Variants in ZNF148 observed in about 807,000 individuals in gnomAD.
ZNF148 encodes Beta-Enolase Repressor Factor-1.
A neutral mutation model predicts 67.7 loss-of-function variants in ZNF148; 7 were observed. That is an observed-to-expected ratio of 0.10 (90% CI 0.06 to 0.19). The LOEUF is 0.19. ZNF148 is among the 10% of genes least tolerant of loss of function. ZNF148 has a pLI of 1.00. For synonymous variants in ZNF148, 333 were observed against 330.7 expected, an observed-to-expected ratio of 1.01 and a Z score of -0.08; for missense variants, 583 against 947.1, an observed-to-expected ratio of 0.62 and a Z score of 5.05.
At chr3:125,365,041 G>A (rs912067698) in intron 1 of ZNF148, among the ~76,000 whole-genome samples, 4 of 151,960 alleles carry the variant, frequency 2.6e-5, no homozygotes, top group Non-Finnish European at 5.9e-5. Flanking sequence ...TCTAAGCTTC[G>A]CACCAATTTC....
At chr3:125,296,790 C>A (rs1939305920) in intron 4 of ZNF148, among the ~76,000 whole-genome samples, 2 of 151,988 alleles carry the variant, frequency 1.3e-5, no homozygotes, top group South Asian at 4.2e-4. Context: ...TGGCATTATA[C>A]AAATATTAGA....
At chr3:125,343,455 GCACCAA>G (rs1435594233) in intron 1 of ZNF148, among the ~76,000 whole-genome samples, 44 of 20,840 alleles carry the variant, frequency 2.1e-3, no homozygotes, top group Non-Finnish European at 4.3e-3. Flanking sequence ...ATTGTAAAAT[GCACCAA>G]TCAGCGCTCT....
At chr3:125,295,775 G>C (rs999771330) in intron 4 of ZNF148, among the ~76,000 whole-genome samples, 1 of 152,148 alleles carries the variant, frequency 6.6e-6, no homozygotes, top group Non-Finnish European at 1.5e-5. Flanking sequence ...GTACAGAGCA[G>C]TATGAAGTAG....
At chr3:125,276,220 T>C (rs1321740501) in intron 7 of ZNF148, among the ~76,000 whole-genome samples, 5 of 152,192 alleles carry the variant, frequency 3.3e-5, no homozygotes, top group Admixed American at 6.5e-5. Context: ...TTTATTGTTA[T>C]ATAGGAATTT....
At position 125,232,183 on chromosome 3, in the gene ZNF148, C is replaced by G. The variant is rs1489316744; in HGVS notation, c.*158G>C. ...GTTCAAAGAATGCTGACTAACCAAA[C>G]GAAATGCAGTTATTGGATTATCTTG... On this transcript the variant is annotated 3_prime_UTR_variant, in exon 9 of 9. Coordinates refer to ENST00000360647, the MANE Select transcript of ZNF148 (RefSeq NM_021964.3). This position sits in a 1 kb window ranked among gnomAD's most constrained non-coding sequence, Gnocchi z 4.2. The G allele has an allele frequency of 1.1e-6, 1 of 887,716 alleles. No homozygotes were observed. Among genetic ancestry groups the G allele is most frequent in the South Asian group, 2.4e-5 (1 of 41,634 alleles). 55.0% of individuals were successfully genotyped at this position (887,716 alleles called of 1,614,324 possible).
At chr3:125,279,773 A>G (rs755395246) in intron 5 of ZNF148, among the ~76,000 whole-genome samples, 1 of 151,828 alleles carries the variant, frequency 6.6e-6, no homozygotes, top group Non-Finnish European at 1.5e-5. Flanking sequence ...CAAAGTTTAG[A>G]ACCCAGTGTA....
chr3:125,299,948 C>T (rs906992876), intron 4 of ZNF148, among the ~76,000 whole-genome samples: 2 of 152,084 alleles, frequency 1.3e-5, no homozygotes, highest in South Asian at 2.1e-4. Flanking sequence ...AATACGCTGA[C>T]GTAAAAAGGA....
chr3:125,285,748 T>C (rs555368206), intron 5 of ZNF148, among the ~76,000 whole-genome samples: 1 of 152,236 alleles, frequency 6.6e-6, no homozygotes, highest in Admixed American at 6.5e-5. Context: ...TCACTTCATC[T>C]TCCTAAGAAT....
At chr3:125,252,684 C>T (rs1402392202) in intron 7 of ZNF148, among the ~76,000 whole-genome samples, 2 of 151,302 alleles carry the variant, frequency 1.3e-5, no homozygotes, top group Non-Finnish European at 2.9e-5. Context: ...AGGAGAATCA[C>T]TTGAACCAGG....
chr3:125,243,876 T>C (rs1177838489), intron 7 of ZNF148, among the ~76,000 whole-genome samples: 1 of 152,200 alleles, frequency 6.6e-6, no homozygotes, highest in African/African-American at 2.4e-5. Flanking sequence ...CTATTTTTCC[T>C]GAGAAAAATA....
At chr3:125,263,550 C>A (rs377456994) in intron 7 of ZNF148, among the ~76,000 whole-genome samples, 9 of 147,254 alleles carry the variant, frequency 6.1e-5, no homozygotes, top group South Asian at 2.2e-4. Flanking sequence ...GACTCTGTCT[C>A]AAAAAAAAAA....
At chr3:125,240,820 G>A (rs531826796) in intron 7 of ZNF148, among the ~76,000 whole-genome samples, 2 of 149,366 alleles carry the variant, frequency 1.3e-5, no homozygotes, top group Admixed American at 6.7e-5. Flanking sequence ...AAACATTAAC[G>A]CCTTAAAAGT....
chr3:125,313,443 T>G lies in ZNF148; in HGVS notation c.198A>C (p.Glu66Asp). 3 of 1,614,142 alleles carry G rather than the reference T, an allele frequency of 1.9e-6. No homozygotes were observed. The highest frequency in any genetic ancestry group is 2.5e-6 in the Non-Finnish European group (3 of 1,180,022). ...TCATATCCTGTTGTCTCATTTCACTTTCTTGTAACACTTCATCTGCAGCAA... is the reference window on the plus strand; with the variant it reads ...TCATATCCTGTTGTCTCATTTCACTGTCTTGTAACACTTCATCTGCAGCAA... ...EILAADEVLQ[E>D]SEMRQQDMIS... The change falls in exon 4 of 9, where the codon GAA becomes GAC. Residue 66 changes from glutamate to aspartate, a missense_variant. By Grantham distance (45) the Glu-to-Asp change is conservative. Transcript: ENST00000360647.
At chr3:125,314,313 G>C (rs1940380631) in intron 3 of ZNF148, among the ~76,000 whole-genome samples, 1 of 152,088 alleles carries the variant, frequency 6.6e-6, no homozygotes, top group Admixed American at 6.5e-5. Context: ...CATATTCTTT[G>C]AACAAGGAAT....
chr3:125,312,162 G>A (rs1476257054), intron 4 of ZNF148, among the ~76,000 whole-genome samples: 1 of 152,118 alleles, frequency 6.6e-6, no homozygotes, highest in Non-Finnish European at 1.5e-5. Context: ...TATTTCTCAT[G>A]AACACAAATG....
At chr3:125,332,191 C>T (rs1295172239) in intron 1 of ZNF148, among the ~76,000 whole-genome samples, 1 of 152,126 alleles carries the variant, frequency 6.6e-6, no homozygotes, top group Admixed American at 6.5e-5. Context: ...TTAGCATTTT[C>T]CAGTATTTAG....
At chr3:125,246,856 A>G (rs1367896927) in intron 7 of ZNF148, among the ~76,000 whole-genome samples, 1 of 152,232 alleles carries the variant, frequency 6.6e-6, no homozygotes. Flanking sequence ...CTACATACCC[A>G]ATAATTTTCC....
chr3:125,271,596 G>A (rs1234251722), intron 7 of ZNF148, among the ~76,000 whole-genome samples: 2 of 152,192 alleles, frequency 1.3e-5, no homozygotes, highest in African/African-American at 4.8e-5. Context: ...TATACGCACT[G>A]AGGGAGGTGA....
chr3:125,279,248 C>T lies in ZNF148; in HGVS notation c.460-1G>A, dbSNP rs762887699. ...ATCCATCCTCATTTATTGTAAGGAT[C>T]TAGTTCAAAAAAAAAAAGGCAAAAA... On this transcript the variant is annotated splice_acceptor_variant, in intron 5 of 8. Coordinates refer to ENST00000360647, the MANE Select transcript of ZNF148 (RefSeq NM_021964.3). LOFTEE classifies it high-confidence loss of function. The T allele has an allele frequency of 4.4e-6, 6 of 1,358,162 alleles. No individual in the cohort carries two copies. The highest frequency in any genetic ancestry group is 2.7e-5 in the Admixed American group (1 of 36,646). The allele number at this position is 1,358,162 out of a possible 1,614,324, so 84.1% of individuals were successfully genotyped here.
Sources: gnomAD v4.1 joint callset for allele counts (sites outside exome capture counted in the v4.1 genomes callset) on GRCh38, gnomAD v4.1.1 for gene constraint, Gnocchi (gnomAD v3.1) non-coding constraint, MANE v1.5 for transcripts, NCBI Gene and HGNC (gene_info 2026-07-23, HGNC 2026-07-21) for gene names.